DHRS4L2: variants seen among roughly 807,000 people sequenced by gnomAD.
The protein encoded by DHRS4L2 is dehydrogenase/reductase 4 like 2.
Under a neutral mutation model 23.9 loss-of-function variants are expected in DHRS4L2, and 22 were observed. That is an observed-to-expected ratio of 0.92 (90% CI 0.66 to 1.31). The LOEUF is 1.31. Ranked by LOEUF, DHRS4L2 falls within the 40% of genes most tolerant of loss-of-function variation. The pLI, the probability that DHRS4L2 is intolerant of heterozygous loss-of-function variation, is 0.00. For missense variants in DHRS4L2, 385 were observed against 303.3 expected (o/e 1.27, Z -2.00); for synonymous variants, 141 against 123.7 (o/e 1.14, Z -0.93).
chr14:23,985,535 G>A (rs924124735), upstream of DHRS4L2, among the ~76,000 whole-genome samples: 10 of 151,412 alleles, frequency 6.6e-5, no homozygotes, highest in Non-Finnish European at 1.0e-4. Flanking sequence ...CTTCTGGACC[G>A]CAGGCAGCCC....
rs191717582 is a variant in DHRS4L2 at position 23,989,071 on chromosome 14, G to A, written c.124G>A (p.Asp42Asn). 3.8e-6 allele frequency: 6 copies of A among 1,571,628 alleles called. No homozygotes were observed. Among genetic ancestry groups the A allele is most frequent in the East Asian group, 4.7e-5 (2 of 42,588 alleles). ...NKVALVTAST[D>N]GIGFAIARRL... Reference sequence around the variant, plus strand: ...GGTGGCCCTGGTAACGGCCTCCACCGACGGGTGAGTGTTGGTGCCGGAGTT... The same window carrying A: ...GGTGGCCCTGGTAACGGCCTCCACCAACGGGTGAGTGTTGGTGCCGGAGTT... Residue 42 changes from aspartate (D) to asparagine (N), a missense_variant, in exon 1 of 8, where the codon GAC becomes AAC. Physicochemically the swap from Asp to Asn is conservative, Grantham distance 23. Coordinates refer to ENST00000335125, the MANE Select transcript of DHRS4L2 (RefSeq NM_198083.4).
upstream of DHRS4L2, chr14:23,987,103 A>G (rs2034160628): frequency 1.5e-5 from 4 of 263,402 alleles, 1 homozygote; most frequent in Non-Finnish European, 3.0e-5. Flanking sequence ...TGCTCGCCAT[A>G]CACCCCCTTT....
At chr14:23,974,970 T>A (rs1381954478) in intron 1 of DHRS4L2, among the ~76,000 whole-genome samples, 2 of 151,784 alleles carry the variant, frequency 1.3e-5, no homozygotes, top group Non-Finnish European at 2.9e-5. Context: ...TAGGCCAGTA[T>A]CCCTGATGAA....
intron 1 of DHRS4L2, 73 bp from the exon 2 acceptor site, chr14:23,990,109 A>T: frequency 6.3e-7 from 1 of 1,583,060 alleles, no homozygotes; most frequent in Non-Finnish European, 8.6e-7. Flanking sequence ...GGGCAGTCTT[A>T]ACTTCAGAGC....
At chr14:24,004,034 G>T (rs1430532566) in intron 6 of DHRS4L2, among the ~76,000 whole-genome samples, 1 of 126,746 alleles carries the variant, frequency 7.9e-6, no homozygotes, top group East Asian at 2.5e-4. Context: ...ACATTGGGAG[G>T]CCGAGGCGGG....
At chr14:23,973,577 C>CA (rs200920458) in intron 1 of DHRS4L2, among the ~76,000 whole-genome samples, 3 of 150,706 alleles carry the variant, frequency 2.0e-5, no homozygotes, top group African/African-American at 4.9e-5. Context: ...AAATGGAAAG[C>CA]AAAAAAAAGC....
intron 2 of DHRS4L2, among the ~76,000 whole-genome samples, chr14:23,993,050 G>A (rs967986521): frequency 6.7e-6 from 1 of 148,732 alleles, no homozygotes; most frequent in African/African-American, 2.5e-5. Flanking sequence ...TGTGCTGACA[G>A]ACCTGGAAGG....
At chr14:23,975,271 G>C (rs1286167470) in intron 1 of DHRS4L2, among the ~76,000 whole-genome samples, 1 of 151,716 alleles carries the variant, frequency 6.6e-6, no homozygotes, top group Admixed American at 6.6e-5. Context: ...AAAATCACAA[G>C]CATTCCTATA....
At chr14:23,993,604 T>G (rs953243737) in intron 2 of DHRS4L2, among the ~76,000 whole-genome samples, 2 of 151,670 alleles carry the variant, frequency 1.3e-5, no homozygotes, top group African/African-American at 4.8e-5. Flanking sequence ...TGGCAGATTC[T>G]GCTTGGCCAT....
intron 1 of DHRS4L2, among the ~76,000 whole-genome samples, chr14:23,974,482 T>C (rs376036071): frequency 6.9e-6 from 1 of 145,574 alleles, no homozygotes; most frequent in Admixed American, 6.8e-5. Context: ...TTTGAAAAGA[T>C]CAACAAAATG....
Position 23,976,673 on chromosome 14 carries a change from T to C in DHRS4L2, c.-176+6341T>C, listed in dbSNP as rs140869150. ...TACACACATATGTTTATTGCAGCAC[T>C]GTTCACAATAGCAAAAACTTGGAAC... is the stretch of plus-strand genomic sequence containing the variant. On this transcript the variant is annotated intron_variant, in intron 1 of 5. Transcript: ENST00000534993. Among the ~76,000 whole-genome samples the C allele has an allele frequency of 7.1e-3, 1,078 of 151,992 alleles. 31 individuals are homozygous for C. The highest frequency in any genetic ancestry group is 0.025 in the African/African-American group (1,036 of 41,450).
intron 3 of DHRS4L2, among the ~76,000 whole-genome samples, chr14:24,000,424 C>T (rs1849680601): frequency 6.6e-6 from 1 of 151,534 alleles, no homozygotes; most frequent in Admixed American, 6.6e-5. Flanking sequence ...TCCCTAAGCC[C>T]AGAAGCCAGA....
intron 1 of DHRS4L2, among the ~76,000 whole-genome samples, chr14:23,989,696 G>A (rs1346443889): frequency 6.6e-6 from 1 of 151,818 alleles, no homozygotes; most frequent in East Asian, 1.9e-4. Context: ...ACTGCAGAAT[G>A]TGTAACTCTT....
intron 3 of DHRS4L2, among the ~76,000 whole-genome samples, chr14:23,999,297 G>GA (rs1383032662): frequency 4.2e-4 from 52 of 125,222 alleles, no homozygotes; most frequent in African/African-American, 1.4e-3. Context: ...CATGCAATTG[G>GA]AAAAATGGCT....
chr14:23,997,772 C>T (rs2034410138), intron 3 of DHRS4L2, among the ~76,000 whole-genome samples: 1 of 151,540 alleles, frequency 6.6e-6, no homozygotes, highest in East Asian at 1.9e-4. Context: ...GTCTTGAACC[C>T]TTCCACGTCA....
At chr14:23,970,684 C>G (rs915796838) in intron 1 of DHRS4L2, among the ~76,000 whole-genome samples, 1 of 152,080 alleles carries the variant, frequency 6.6e-6, no homozygotes, top group Non-Finnish European at 1.5e-5. Flanking sequence ...GTCCCTGACC[C>G]CCATGTAGCT....
At chr14:23,975,451 A>C (rs1219752857) in intron 1 of DHRS4L2, among the ~76,000 whole-genome samples, 1 of 151,818 alleles carries the variant, frequency 6.6e-6, no homozygotes, top group Admixed American at 6.6e-5. Context: ...AAATGGAAGA[A>C]TATTGCATGC....
upstream of DHRS4L2, chr14:23,988,753 C>G: frequency 1.4e-6 from 2 of 1,384,188 alleles, no homozygotes; most frequent in South Asian, 1.6e-5. Flanking sequence ...AAGCCCCAGT[C>G]AGGCGGAAGG....
At chr14:23,998,126 C>G (rs1004963962) in intron 3 of DHRS4L2, among the ~76,000 whole-genome samples, 4 of 151,916 alleles carry the variant, frequency 2.6e-5, no homozygotes, top group African/African-American at 7.2e-5. Flanking sequence ...TGAGCAGTAA[C>G]AGTTTTAAAG....
Sources: allele counts gnomAD v4.1 joint callset (sites outside exome capture counted in the v4.1 genomes callset), GRCh38; gene constraint gnomAD v4.1.1; transcripts MANE v1.5; gene names NCBI Gene and HGNC (gene_info 2026-07-23, HGNC 2026-07-21).